Variants in PKNOX2 observed in about 807,000 individuals in gnomAD.
PKNOX2 encodes the protein homeobox protein PKNOX2.
A neutral mutation model predicts 53.1 loss-of-function variants in PKNOX2; 14 were observed. That is an observed-to-expected ratio of 0.26 (90% CI 0.17 to 0.41). PKNOX2 has a LOEUF of 0.41. Ranked by LOEUF, PKNOX2 falls within the 10% of genes least tolerant of loss-of-function variation. The pLI is 1.00. For synonymous variants in PKNOX2, 257 were observed against 242.8 expected (o/e 1.06, Z -0.54); for missense variants, 496 against 602.8 (o/e 0.82, Z 1.85).
chr11:125,427,346 G>A (rs896928213), intron 10 of PKNOX2, among the ~76,000 whole-genome samples: 3 of 152,178 alleles, frequency 2.0e-5, no homozygotes, highest in African/African-American at 7.2e-5. Context: ...CCTTGGCATG[G>A]TGGTCAGGGT....
chr11:125,287,279 G>A (rs573372406), intron 2 of PKNOX2, among the ~76,000 whole-genome samples: 9 of 152,276 alleles, frequency 5.9e-5, no homozygotes, highest in East Asian at 3.9e-4. Flanking sequence ...CCACAACACC[G>A]TGCTGTTTAG....
intron 2 of PKNOX2, among the ~76,000 whole-genome samples, chr11:125,301,353 C>T (rs1429636969): frequency 6.6e-6 from 1 of 151,994 alleles, no homozygotes; most frequent in African/African-American, 2.4e-5. Context: ...GGATAGGACT[C>T]TACCCAAAGA....
chr11:125,273,899 C>T (rs985701160), intron 2 of PKNOX2, among the ~76,000 whole-genome samples: 9 of 152,080 alleles, frequency 5.9e-5, no homozygotes, highest in African/African-American at 1.2e-4. Context: ...GCTTATCTTC[C>T]GAGACACATG....
intron 5 of PKNOX2, among the ~76,000 whole-genome samples, chr11:125,379,316 C>A (rs1418100852): frequency 2.0e-5 from 3 of 152,164 alleles, no homozygotes; most frequent in Non-Finnish European, 4.4e-5. Flanking sequence ...CCCGCCTCAG[C>A]CTCCCAAAGC....
chr11:125,269,275 C>A (rs142461178), intron 2 of PKNOX2, among the ~76,000 whole-genome samples: 20 of 152,210 alleles, frequency 1.3e-4, no homozygotes, highest in African/African-American at 4.6e-4. Context: ...CTAGGCCCAG[C>A]CCCAAAGTGA....
chr11:125,407,562 A>G (rs183668210), intron 7 of PKNOX2, among the ~76,000 whole-genome samples: 2 of 152,156 alleles, frequency 1.3e-5, no homozygotes, highest in Admixed American at 1.3e-4. Flanking sequence ...AGTCACTTCC[A>G]CTGGTTTTAA....
rs1222678067 is a variant in PKNOX2 at position 125,165,127 on chromosome 11, T to G, written c.-201+351T>G. Among the ~76,000 whole-genome samples the G allele has an allele frequency of 6.8e-6, 1 of 146,734 alleles. No homozygotes were observed. The highest frequency in any genetic ancestry group is 1.5e-5 in the Non-Finnish European group (1 of 66,414). On this transcript the variant is annotated intron_variant, in intron 1 of 12. Transcript: ENST00000298282. The surrounding 1 kb of genome is among the most constrained non-coding windows in gnomAD (Gnocchi z 4.5). ...GAGCCCCGCGGGCCGCCCGCTCCCC[T>G]GCCCGGCCAGCGCTCAGCCCCGCCG...
chr11:125,352,207 C>T lies in PKNOX2; in HGVS notation c.87+815C>T, dbSNP rs1004917785. Among the ~76,000 whole-genome samples the T allele has an allele frequency of 1.3e-5, 2 of 152,180 alleles. No individual in the cohort carries two copies. Among genetic ancestry groups the T allele is most frequent in the East Asian group, 3.9e-4 (2 of 5,194 alleles). On this transcript the variant is annotated intron_variant, in intron 4 of 12. Transcript: ENST00000298282. The surrounding 1 kb of genome is among the most constrained non-coding windows in gnomAD (Gnocchi z 4.1). ...TCCACCCTTGGTTCTTTGGAAACTT[C>T]GAGTTTTGTGTCTGTGCTTTCACAG...
chr11:125,339,058 C>T (rs895035065), intron 3 of PKNOX2, among the ~76,000 whole-genome samples: 10 of 152,214 alleles, frequency 6.6e-5, no homozygotes, highest in African/African-American at 2.4e-4. Context: ...GCTGAAAGGG[C>T]CAGCACATGA....
chr11:125,194,670 C>A (rs1209083450), intron 1 of PKNOX2, among the ~76,000 whole-genome samples: 1 of 152,168 alleles, frequency 6.6e-6, no homozygotes, highest in Non-Finnish European at 1.5e-5. Context: ...AGGCCTCATC[C>A]CTCCTTTTAA....
At chr11:125,229,021 A>G (rs573642324) in intron 1 of PKNOX2, among the ~76,000 whole-genome samples, 44 of 152,176 alleles carry the variant, frequency 2.9e-4, no homozygotes, top group Middle Eastern at 6.8e-3. Context: ...CTGCAGTAAG[A>G]CCTTTCCCCA....
chr11:125,400,606 C>T (rs1186205708), intron 7 of PKNOX2, among the ~76,000 whole-genome samples: 12 of 152,080 alleles, frequency 7.9e-5, no homozygotes, highest in Admixed American at 1.3e-4. Context: ...CCTGTCTGTT[C>T]GGGTGACACC....
At chr11:125,385,317 C>T (rs1953546466) in intron 5 of PKNOX2, among the ~76,000 whole-genome samples, 1 of 152,186 alleles carries the variant, frequency 6.6e-6, no homozygotes, top group Non-Finnish European at 1.5e-5. Context: ...AGGTAGGCGA[C>T]CAGTGGGTAG....
intron 1 of PKNOX2, among the ~76,000 whole-genome samples, chr11:125,173,370 G>A (rs561545428): frequency 6.6e-6 from 1 of 152,244 alleles, no homozygotes; most frequent in Admixed American, 6.5e-5. Context: ...TCCAGGAAGT[G>A]GGTGCAGGTG....
In PKNOX2 at chr11:125,431,468, G is replaced by C; in HGVS notation, c.*76G>C. The C allele has an allele frequency of 3.2e-6, 1 of 310,576 alleles. No homozygotes were observed. Among genetic ancestry groups the C allele is most frequent in the Non-Finnish European group, 6.5e-6 (1 of 153,988 alleles). 19.2% of individuals were successfully genotyped at this position (310,576 alleles called of 1,614,324 possible). A position where few individuals can be genotyped will look rare whatever the true frequency, so the allele number is the denominator to read the frequency against. On this transcript the variant is annotated 3_prime_UTR_variant, in exon 13 of 13. Transcript: ENST00000298282. ...GGAGGCCTTCAGGGTGGGGGGGAAG[G>C]GGACATGGGCAGGAAGCACCGAGGG... is the stretch of plus-strand genomic sequence containing the variant.
At chr11:125,284,465 A>G (rs1946774520) in intron 2 of PKNOX2, among the ~76,000 whole-genome samples, 1 of 152,248 alleles carries the variant, frequency 6.6e-6, no homozygotes, top group South Asian at 2.1e-4. Flanking sequence ...TAGCATCGCC[A>G]GAGAACCAAC....
At chr11:125,177,697 G>C (rs1955803980) in intron 1 of PKNOX2, among the ~76,000 whole-genome samples, 1 of 152,188 alleles carries the variant, frequency 6.6e-6, no homozygotes, top group Admixed American at 6.5e-5. Flanking sequence ...ATGGGACCCA[G>C]ATACCCCTTC....
chr11:125,367,869 C>T lies in PKNOX2; in HGVS notation c.111C>T (p.Pro37=), dbSNP rs749151703. The change falls in exon 5 of 13, where the codon CCC becomes CCT. Residue 37 remains proline, a synonymous_variant. Coordinates refer to ENST00000298282, the MANE Select transcript of PKNOX2 (RefSeq NM_001382323.2). ...AGATGACGGCAACCGCCCAGCCACC[C>T]TCCAAGGCCCAGGCTGTCCACATCT... ...SPQMTATAQP[P]SKAQAVHISA... 5.6e-6 allele frequency: 9 copies of T among 1,613,030 alleles called. No individual in the cohort carries two copies. In the East Asian group the frequency reaches 2.0e-4, roughly 36 times the overall value.
At chr11:125,269,520 A>T (rs1205210290) in intron 2 of PKNOX2, among the ~76,000 whole-genome samples, 1 of 152,248 alleles carries the variant, frequency 6.6e-6, no homozygotes, top group Non-Finnish European at 1.5e-5. Flanking sequence ...GCCAGGGCTG[A>T]GGAATCCAGC....
Sources: gnomAD v4.1 joint callset for allele counts (sites outside exome capture counted in the v4.1 genomes callset) on GRCh38, gnomAD v4.1.1 for gene constraint, Gnocchi (gnomAD v3.1) non-coding constraint, MANE v1.5 for transcripts, NCBI Gene and HGNC (gene_info 2026-07-23, HGNC 2026-07-21) for gene names.